Variants in CSMD3 observed in about 807,000 individuals in gnomAD.
CSMD3 encodes the protein CUB and sushi domain-containing protein 3.
A neutral mutation model predicts 435.2 loss-of-function variants in CSMD3; 177 were observed. The ratio of observed to expected loss-of-function variants is 0.41; its 90% confidence interval spans 0.36 to 0.46. The LOEUF (loss-of-function observed/expected upper bound fraction) is 0.46, where lower values mean the gene tolerates loss of function less well. Among genes scored for constraint, CSMD3 ranks in the 20% least tolerant of loss-of-function variants. The pLI, the probability that CSMD3 is intolerant of heterozygous loss-of-function variation, is 0.34. For synonymous variants in CSMD3, 1,656 were observed against 1,520.5 expected (o/e 1.09, Z -2.07); for missense variants, 4,265 against 4,504.6 (o/e 0.95, Z 1.52).
At chr8:113,041,664 C>T (rs2087622400) in intron 5 of CSMD3, among the ~76,000 whole-genome samples, 1 of 151,844 alleles carries the variant, frequency 6.6e-6, no homozygotes, top group Admixed American at 6.6e-5. Context: ...TTTTATTTTT[C>T]CCCACTTTAT....
intron 2 of CSMD3, among the ~76,000 whole-genome samples, chr8:113,284,469 ACT>A (rs2093632445): frequency 6.6e-6 from 1 of 152,102 alleles, no homozygotes; most frequent in African/African-American, 2.4e-5. Context: ...TTAAGTAGAG[ACT>A]CTTGTTCAGA....
chr8:113,087,659 A>C (rs982466922), intron 5 of CSMD3, among the ~76,000 whole-genome samples: 62 of 152,082 alleles, frequency 4.1e-4, no homozygotes, highest in African/African-American at 1.3e-3. Flanking sequence ...AGCCATATGT[A>C]GAAAGCTGAA....
intron 59 of CSMD3, 44 bp downstream of exon 59, chr8:112,281,130 C>T (rs2130575939): frequency 3.5e-6 from 5 of 1,420,650 alleles, no homozygotes; most frequent in Middle Eastern, 1.8e-4. Context: ...CTCATCAATA[C>T]TTTCATATAA....
chr8:113,417,219 A>T (rs997036179), intron 1 of CSMD3, among the ~76,000 whole-genome samples: 7 of 152,154 alleles, frequency 4.6e-5, no homozygotes, highest in East Asian at 3.9e-4. Context: ...ATATAAAAAC[A>T]TCCTTACATA....
At chr8:113,077,247 A>C (rs2089379150) in intron 5 of CSMD3, among the ~76,000 whole-genome samples, 1 of 152,136 alleles carries the variant, frequency 6.6e-6, no homozygotes, top group Admixed American at 6.6e-5. Context: ...GGAAAGGCTT[A>C]CCGGATCTCT....
chr8:113,230,854 T>A, intron 3 of CSMD3, among the ~76,000 whole-genome samples: 1 of 151,686 alleles, frequency 6.6e-6, no homozygotes, highest in South Asian at 2.1e-4. Context: ...ATAATACTTT[T>A]TTATATGGAC....
intron 9 of CSMD3, among the ~76,000 whole-genome samples, chr8:112,937,329 TGTTTTTGGACCTAGG>T (rs2083310764): frequency 1.3e-5 from 2 of 151,274 alleles, no homozygotes; most frequent in Non-Finnish European, 2.9e-5. Flanking sequence ...TATTACTCTT[TGTTTTTGGACCTAGG>T]TAATAATGTT....
intron 5 of CSMD3, among the ~76,000 whole-genome samples, chr8:113,070,159 A>G (rs1283037148): frequency 3.9e-5 from 6 of 152,080 alleles, no homozygotes; most frequent in African/African-American, 1.4e-4. Flanking sequence ...GTGGAGGAGA[A>G]ATAGCCAAAG....
At chr8:112,564,945 C>T (rs2131266526) in intron 24 of CSMD3, among the ~76,000 whole-genome samples, 1 of 152,188 alleles carries the variant, frequency 6.6e-6, no homozygotes, top group Non-Finnish European at 1.5e-5. Flanking sequence ...AGGTCTTCAA[C>T]TTGCCAGAAA....
At chr8:112,928,321 GAA>G (rs1041516063) in intron 9 of CSMD3, among the ~76,000 whole-genome samples, 10 of 152,120 alleles carry the variant, frequency 6.6e-5, no homozygotes, top group Admixed American at 4.6e-4. Context: ...AAATGTCACA[GAA>G]AAAGTTATAA....
intron 60 of CSMD3, among the ~76,000 whole-genome samples, chr8:112,264,798 T>A (rs919391260): frequency 6.6e-6 from 1 of 152,086 alleles, no homozygotes; most frequent in Non-Finnish European, 1.5e-5. Flanking sequence ...TATAAAACAA[T>A]TTGTCTGACA....
chr8:112,522,449 C>T (rs1824394797), intron 27 of CSMD3, among the ~76,000 whole-genome samples: 1 of 151,814 alleles, frequency 6.6e-6, no homozygotes, highest in Non-Finnish European at 1.5e-5. Context: ...TCATAGCATT[C>T]GTCATTAAGT....
intron 15 of CSMD3, among the ~76,000 whole-genome samples, chr8:112,684,516 C>G (rs2075969985): frequency 6.6e-6 from 1 of 152,020 alleles, no homozygotes; most frequent in Admixed American, 6.6e-5. Flanking sequence ...TGGTCAATAT[C>G]TGACACAGTG....
At chr8:113,390,598 A>G (rs1048806922) in intron 1 of CSMD3, among the ~76,000 whole-genome samples, 20 of 151,992 alleles carry the variant, frequency 1.3e-4, no homozygotes, top group African/African-American at 4.6e-4. Flanking sequence ...TACAGAAAAT[A>G]TCACTCCTCT....
rs1333466210 is a variant in CSMD3, at chr8:112,408,445, A to G, written c.5510-32T>C. Reference sequence around the variant, plus strand: ...AACAAAACAAACACTAAGATATCATAAATAATTTTCATTCAGTAAACCTAA... The same window carrying G: ...AACAAAACAAACACTAAGATATCATGAATAATTTTCATTCAGTAAACCTAA... On this transcript the variant is annotated intron_variant, in intron 33 of 70. Coordinates refer to ENST00000297405, the MANE Select transcript of CSMD3 (RefSeq NM_198123.2). The G allele has an allele frequency of 3.1e-6, 4 of 1,308,272 alleles. No homozygotes were observed. The Admixed American group carries it at 6.7e-5, about 22-fold the overall frequency. 81.0% of individuals were successfully genotyped at this position (1,308,272 alleles called of 1,614,324 possible).
At chr8:113,320,831 TG>T (rs2093944578) in intron 1 of CSMD3, among the ~76,000 whole-genome samples, 1 of 152,118 alleles carries the variant, frequency 6.6e-6, no homozygotes, top group African/African-American at 2.4e-5. Flanking sequence ...CAGATATAGC[TG>T]TAAGCAATAC....
chr8:113,044,134 G>T (rs902740540), intron 5 of CSMD3, among the ~76,000 whole-genome samples: 2 of 151,960 alleles, frequency 1.3e-5, no homozygotes, highest in African/African-American at 4.8e-5. Context: ...TTCTTGAAAA[G>T]ATGAAGAAAT....
At chr8:112,276,261 C>A (rs1032322288) in intron 59 of CSMD3, among the ~76,000 whole-genome samples, 4 of 152,224 alleles carry the variant, frequency 2.6e-5, no homozygotes, top group African/African-American at 4.8e-5. Context: ...TGGGCAGCTC[C>A]ACCCCTGTGG....
At chr8:112,732,072 ATG>A (rs199657717) in intron 13 of CSMD3, among the ~76,000 whole-genome samples, 4 of 151,170 alleles carry the variant, frequency 2.6e-5, no homozygotes, top group Non-Finnish European at 4.4e-5. Context: ...GTGTGTATGT[ATG>A]TGTGTGTGTG....
Sources: allele counts gnomAD v4.1 joint callset (sites outside exome capture counted in the v4.1 genomes callset), GRCh38; gene constraint gnomAD v4.1.1; transcripts MANE v1.5; gene names NCBI Gene and HGNC (gene_info 2026-07-23, HGNC 2026-07-21).